RHOBTB1: variants seen among roughly 807,000 people sequenced by gnomAD.
RHOBTB1 encodes Rho related BTB domain containing 1, also known as rho-related BTB domain-containing protein 1.
In RHOBTB1, 40 loss-of-function variants were observed where a neutral mutation model predicts 71.6. The ratio of observed to expected loss-of-function variants is 0.56; its 90% CI spans 0.43 to 0.73. The LOEUF is 0.73. Among genes scored for constraint, RHOBTB1 ranks in the 30% least tolerant of loss-of-function variants. The pLI is 0.00. For missense variants in RHOBTB1, 797 were observed against 894.0 expected, an observed-to-expected ratio of 0.89 and a Z score of 1.38; for synonymous variants, 319 against 334.9, an observed-to-expected ratio of 0.95 and a Z score of 0.52.
chr10:60,911,467 C>T lies in RHOBTB1; in HGVS notation c.76G>A (p.Gly26Arg). ...KCVVVGDNAVGKTRLICARAC... is the reference protein window; with the variant it reads ...KCVVVGDNAVRKTRLICARAC... ...CTGGCACAGATCAAGCGCGTCTTCC[C>T]CACGGCATTGTCACCCACGACCACA... is the stretch of plus-strand genomic sequence containing the variant. Residue 26 changes from glycine to arginine, a missense_variant, in exon 3 of 11, where the codon GGG (glycine) becomes AGG (arginine). Gly to Arg is a moderately radical substitution (Grantham distance 125). Transcript: ENST00000337910. 6.2e-7 allele frequency: 1 copy of T among 1,614,200 alleles called. No individual in the cohort carries two copies. The highest frequency in any genetic ancestry group is 8.5e-7 in the Non-Finnish European group (1 of 1,180,042).
At chr10:60,880,176 A>ACTCT (rs200075471) in intron 7 of RHOBTB1, among the ~76,000 whole-genome samples, 27 of 96,120 alleles carry the variant, frequency 2.8e-4, no homozygotes, top group African/African-American at 1.1e-3. Flanking sequence ...CTGAGGGATG[A>ACTCT]CTGTGTGTGT....
intron 1 of RHOBTB1, among the ~76,000 whole-genome samples, chr10:60,995,691 T>A (rs2087023574): frequency 1.3e-5 from 2 of 152,236 alleles, no homozygotes; most frequent in Admixed American, 1.3e-4. Context: ...TGTACTTATT[T>A]AAAAAATCTC....
intron 7 of RHOBTB1, among the ~76,000 whole-genome samples, chr10:60,881,738 T>G (rs1196814954): frequency 1.3e-5 from 2 of 152,214 alleles, no homozygotes; most frequent in East Asian, 3.8e-4. Context: ...GTGTTCTAAG[T>G]CATTGCTTAA....
intron 1 of RHOBTB1, among the ~76,000 whole-genome samples, chr10:60,988,572 C>T (rs1485227972): frequency 4.6e-5 from 7 of 152,114 alleles, no homozygotes; most frequent in Non-Finnish European, 8.8e-5. Flanking sequence ...TTTACCAGTT[C>T]TGTGATAATT....
At chr10:60,900,254 G>A (rs2082352618) in intron 4 of RHOBTB1, among the ~76,000 whole-genome samples, 1 of 152,112 alleles carries the variant, frequency 6.6e-6, no homozygotes, top group South Asian at 2.1e-4. Flanking sequence ...GCAGGAAGAA[G>A]CAGAGGACCA....
At chr10:60,931,604 A>G (rs375282864) in intron 2 of RHOBTB1, among the ~76,000 whole-genome samples, 137 of 152,326 alleles carry the variant, frequency 9.0e-4, no homozygotes, top group African/African-American at 3.1e-3. Flanking sequence ...TAATGGGTAT[A>G]TTAAGTATAA....
chr10:60,871,296 G>A lies in RHOBTB1; in HGVS notation c.*186C>T. 1 of 542,374 alleles carries A rather than the reference G, an allele frequency of 1.8e-6. No individual in the cohort carries two copies. The highest frequency in any genetic ancestry group is 3.2e-6 in the Non-Finnish European group (1 of 315,858). 33.6% of individuals were successfully genotyped at this position (542,374 alleles called of 1,614,324 possible). ...AGAGTCAGCTTCCCTTTTTGTCCAG[G>A]CTCATTGATGGTGAGCTTGTGCTTT... On this transcript the variant is annotated 3_prime_UTR_variant, in exon 11 of 11. Coordinates refer to ENST00000337910, the MANE Select transcript of RHOBTB1 (RefSeq NM_014836.5).
At position 60,950,149 on chromosome 10, in the gene RHOBTB1, G is replaced by C. The variant is rs80029192; in HGVS notation, c.-61-8295C>G. Among the ~76,000 whole-genome samples, 1,420 of 152,294 alleles carry C rather than the reference G, an allele frequency of 9.3e-3. 17 individuals carry two copies. The highest frequency in any genetic ancestry group is 0.032 in the African/African-American group (1,330 of 41,550). The stretch of plus-strand genomic sequence containing the variant: ...TAGCAAACAGTTTTTATGGTCATCT[G>C]TCTGACTTTGTTTAGGCATGGCATA... On this transcript the variant is annotated intron_variant, in intron 2 of 11. Coordinates refer to the RHOBTB1 transcript ENST00000357917.
intron 1 of RHOBTB1, among the ~76,000 whole-genome samples, chr10:60,999,524 C>T (rs914964988): frequency 1.3e-5 from 2 of 152,166 alleles, no homozygotes; most frequent in Non-Finnish European, 2.9e-5. Flanking sequence ...CAACTGGGAA[C>T]AAACCAATTA....
upstream of RHOBTB1, among the ~76,000 whole-genome samples, chr10:60,945,167 A>T (rs1356425620): frequency 6.6e-6 from 1 of 152,228 alleles, no homozygotes; most frequent in Non-Finnish European, 1.5e-5. Flanking sequence ...GCCATCAGGG[A>T]GCTTTCAGTC....
At chr10:60,945,784 C>CCCTA (rs761603698), upstream of RHOBTB1, among the ~76,000 whole-genome samples, 17 of 152,264 alleles carry the variant, frequency 1.1e-4, no homozygotes, top group Admixed American at 2.6e-4. Flanking sequence ...GTTACCAAGG[C>CCCTA]CCTAGTCTTT....
intron 7 of RHOBTB1, among the ~76,000 whole-genome samples, chr10:60,884,838 G>A (rs996987646): frequency 6.6e-6 from 1 of 152,172 alleles, no homozygotes; most frequent in Non-Finnish European, 1.5e-5. Flanking sequence ...GGATTAGGGG[G>A]TGAATGGGGA....
chr10:60,963,613 T>A lies in RHOBTB1; in HGVS notation c.-61-21759A>T, dbSNP rs376349255. On this transcript the variant is annotated intron_variant, in intron 2 of 11. Coordinates refer to the RHOBTB1 transcript ENST00000357917. ...ACCTTTAAAACATGAGGTCATGTGTTCCATTGGAACAGGAAAAATATTTCA... is the reference window on the plus strand; with the variant it reads ...ACCTTTAAAACATGAGGTCATGTGTACCATTGGAACAGGAAAAATATTTCA... Among the ~76,000 whole-genome samples, 8 of 152,152 alleles carry A rather than the reference T, an allele frequency of 5.3e-5. No individual in the cohort carries two copies. The East Asian group carries it at 1.5e-3, about 29-fold the overall frequency.
Position 60,870,258 on chromosome 10 carries a change from A to G in RHOBTB1, c.*1224T>C, listed in dbSNP as rs1026030542. 3 of 152,748 alleles carry G rather than the reference A, an allele frequency of 2.0e-5. No homozygotes were observed. Among genetic ancestry groups the G allele is most frequent in the African/African-American group, 4.8e-5 (2 of 41,560 alleles). The allele number at this position is 152,748 out of a possible 1,614,324, so 9.5% of individuals were successfully genotyped here. Reference sequence around the variant, plus strand: ...ACACTGAAAACTCAGAATGAGAAAGAGTCAGAACGAACTCACAATAGCACC... The same window carrying G: ...ACACTGAAAACTCAGAATGAGAAAGGGTCAGAACGAACTCACAATAGCACC... On this transcript the variant is annotated 3_prime_UTR_variant, in exon 11 of 11. Transcript: ENST00000337910.
intron 1 of RHOBTB1, among the ~76,000 whole-genome samples, chr10:60,992,173 T>C (rs549639798): frequency 2.6e-4 from 39 of 152,200 alleles, no homozygotes; most frequent in African/African-American, 8.2e-4. Context: ...CACAAGAGCA[T>C]TGAAAGCCTT....
At chr10:60,925,494 A>G (rs2083817502) in intron 2 of RHOBTB1, among the ~76,000 whole-genome samples, 1 of 152,190 alleles carries the variant, frequency 6.6e-6, no homozygotes, top group Non-Finnish European at 1.5e-5. Flanking sequence ...AAAACCTCAA[A>G]TAAACAACCT....
rs570196187 is a variant in RHOBTB1 at position 60,874,310 on chromosome 10, G to A, written c.1815+644C>T. Among the ~76,000 whole-genome samples, 14 of 152,304 alleles carry A rather than the reference G, an allele frequency of 9.2e-5. 1 individual carries two copies. In the South Asian group the frequency reaches 2.1e-3, roughly 23 times the overall value. The stretch of plus-strand genomic sequence containing the variant: ...AGAGGGCTTACACTCTTCAGTGCTC[G>A]CTCTTGAACATTCTCTCCCACTTCA... On this transcript the variant is annotated intron_variant, in intron 9 of 10. Coordinates refer to ENST00000337910, the MANE Select transcript of RHOBTB1 (RefSeq NM_014836.5).
At chr10:60,903,988 G>A (rs1268421110) in intron 4 of RHOBTB1, among the ~76,000 whole-genome samples, 2 of 151,300 alleles carry the variant, frequency 1.3e-5, no homozygotes, top group African/African-American at 4.9e-5. Context: ...TTTGAGACAG[G>A]GTCTTGCTCT....
intron 2 of RHOBTB1, among the ~76,000 whole-genome samples, chr10:60,936,348 G>C (rs1273671103): frequency 6.6e-6 from 1 of 152,228 alleles, no homozygotes; most frequent in Non-Finnish European, 1.5e-5. Flanking sequence ...ATAATATCAA[G>C]TATTATAGAG....
Sources: allele counts gnomAD v4.1 joint callset (sites outside exome capture counted in the v4.1 genomes callset), GRCh38; gene constraint gnomAD v4.1.1; transcripts MANE v1.5; gene names NCBI Gene and HGNC (gene_info 2026-07-23, HGNC 2026-07-21).